Variants in SKAP2 observed in about 807,000 individuals in gnomAD.
SKAP2 encodes src kinase associated phosphoprotein 2, also known as src kinase-associated phosphoprotein 2.
A neutral mutation model predicts 54.9 loss-of-function variants in SKAP2; 28 were observed. The ratio of observed to expected loss-of-function variants is 0.51; its 90% CI spans 0.38 to 0.70. The LOEUF is 0.70. Among genes scored for constraint, SKAP2 ranks in the 30% least tolerant of loss-of-function variants. The pLI is 0.00. For missense variants in SKAP2, 356 were observed against 424.1 expected, an observed-to-expected ratio of 0.84 and a Z score of 1.41; for synonymous variants, 137 against 134.3, an observed-to-expected ratio of 1.02 and a Z score of -0.14.
intron 1 of SKAP2, 169 bp from the exon 2 acceptor site, chr7:26,855,059 G>GTAT (rs1584429140): frequency 2.1e-6 from 1 of 477,284 alleles, no homozygotes; most frequent in East Asian, 3.5e-5. Context: ...CAAATACTAA[G>GTAT]TTGAACAAAT....
At chr7:26,736,752 G>A (rs1787952563) in intron 6 of SKAP2, among the ~76,000 whole-genome samples, 1 of 152,068 alleles carries the variant, frequency 6.6e-6, no homozygotes, top group South Asian at 2.1e-4. Context: ...TCACAAAGTA[G>A]TTAAAATGCA....
intron 4 of SKAP2, among the ~76,000 whole-genome samples, chr7:26,809,601 T>C (rs773918272): frequency 6.6e-6 from 1 of 152,142 alleles, no homozygotes; most frequent in Non-Finnish European, 1.5e-5. Flanking sequence ...AGACAAAAGA[T>C]AACCAGTGTT....
At chr7:26,745,917 TGAA>T (rs1272984762) in intron 4 of SKAP2, among the ~76,000 whole-genome samples, 1 of 152,230 alleles carries the variant, frequency 6.6e-6, no homozygotes, top group Admixed American at 6.5e-5. Context: ...TCTCATTTCA[TGAA>T]GGTGATACTC....
At chr7:26,717,184 TGGAGAGAAACA>T (rs1787465402) in intron 9 of SKAP2, among the ~76,000 whole-genome samples, 1 of 151,878 alleles carries the variant, frequency 6.6e-6, no homozygotes, top group Admixed American at 6.6e-5. Flanking sequence ...AAGAGACAGA[TGGAGAGAAACA>T]GGGGAAGTGG....
chr7:26,853,541 C>A (rs1246426885), intron 3 of SKAP2, among the ~76,000 whole-genome samples: 3 of 151,972 alleles, frequency 2.0e-5, no homozygotes, highest in East Asian at 1.9e-4. Flanking sequence ...AGCATTCTCA[C>A]ATATTTCAAA....
At chr7:26,862,729 T>C (rs1785295329) in intron 1 of SKAP2, among the ~76,000 whole-genome samples, 1 of 152,096 alleles carries the variant, frequency 6.6e-6, no homozygotes, top group South Asian at 2.1e-4. Context: ...ATGACCTACA[T>C]ATCATATTAT....
intron 6 of SKAP2, 145 bp downstream of exon 6, chr7:26,738,650 A>G: frequency 1.8e-6 from 1 of 560,604 alleles, no homozygotes; most frequent in Non-Finnish European, 3.2e-6. Flanking sequence ...TAATGAAATG[A>G]ATCATAAATT....
intron 4 of SKAP2, among the ~76,000 whole-genome samples, chr7:26,784,964 C>T (rs886944512): frequency 2.0e-5 from 3 of 152,114 alleles, no homozygotes; most frequent in African/African-American, 4.8e-5. Context: ...AAAATAAGAT[C>T]TAAGTGGTGG....
At chr7:26,732,087 T>C (rs374066346) in intron 6 of SKAP2, among the ~76,000 whole-genome samples, 4 of 152,194 alleles carry the variant, frequency 2.6e-5, no homozygotes, top group Non-Finnish European at 5.9e-5. Flanking sequence ...AATTCCAAGA[T>C]TGTCAGGGAT....
chr7:26,665,791 G>A (rs1479558483), downstream of SKAP2, among the ~76,000 whole-genome samples: 1 of 152,180 alleles, frequency 6.6e-6, no homozygotes, highest in South Asian at 2.1e-4. Flanking sequence ...ATAATAAACT[G>A]GCTAAAGCTG....
At chr7:26,671,669 G>A (rs1786244196) in intron 11 of SKAP2, among the ~76,000 whole-genome samples, 1 of 151,982 alleles carries the variant, frequency 6.6e-6, no homozygotes, top group African/African-American at 2.4e-5. Flanking sequence ...GGCTTGTGAG[G>A]CAGTAAACTC....
At chr7:26,858,353 T>C (rs1260351613) in intron 1 of SKAP2, among the ~76,000 whole-genome samples, 1 of 152,160 alleles carries the variant, frequency 6.6e-6, no homozygotes, top group Non-Finnish European at 1.5e-5. Flanking sequence ...TAGCTCCTAA[T>C]ACACCTTAAC....
At chr7:26,815,304 A>G (rs1332457720) in intron 4 of SKAP2, among the ~76,000 whole-genome samples, 1 of 152,108 alleles carries the variant, frequency 6.6e-6, no homozygotes, top group African/African-American at 2.4e-5. Context: ...ATCTCTCTTG[A>G]AAGGGAGAGC....
At chr7:26,733,607 CCT>C (rs1180601554) in intron 6 of SKAP2, among the ~76,000 whole-genome samples, 1 of 151,910 alleles carries the variant, frequency 6.6e-6, no homozygotes, top group Non-Finnish European at 1.5e-5. Flanking sequence ...ACATATATGT[CCT>C]CTTTTTTTCC....
intron 2 of SKAP2, among the ~76,000 whole-genome samples, chr7:26,854,454 T>C (rs1447933707): frequency 6.6e-6 from 1 of 152,058 alleles, no homozygotes; most frequent in Non-Finnish European, 1.5e-5. Flanking sequence ...ATTCTCTTTC[T>C]TCAGTGTCAG....
chr7:26,842,281 A>C (rs1784832153), intron 4 of SKAP2, among the ~76,000 whole-genome samples: 1 of 151,676 alleles, frequency 6.6e-6, no homozygotes, highest in South Asian at 2.1e-4. Context: ...AAATGTTATT[A>C]AATAATATTT....
chr7:26,656,184 TG>T, the SKAP2 span, among the ~76,000 whole-genome samples: 1 of 152,186 alleles, frequency 6.6e-6, no homozygotes, highest in African/African-American at 2.4e-5. Flanking sequence ...ATTAGAAACT[TG>T]GCAATCCTCA....
rs181650424 is a variant in SKAP2 at position 26,761,392 on chromosome 7, T to C, written c.308-21428A>G. Among the ~76,000 whole-genome samples, 6 of 152,352 alleles carry C rather than the reference T, an allele frequency of 3.9e-5. No individual in the cohort carries two copies. In the East Asian group the frequency reaches 9.6e-4, roughly 24 times the overall value. ...AGGCTGACATCTCCAATGTAATGCATAGATATCTCATATAGTATGTTGCAT... is the reference window on the plus strand; with the variant it reads ...AGGCTGACATCTCCAATGTAATGCACAGATATCTCATATAGTATGTTGCAT... On this transcript the variant is annotated intron_variant, in intron 4 of 12. Coordinates refer to ENST00000345317, the MANE Select transcript of SKAP2 (RefSeq NM_003930.5).
intron 4 of SKAP2, among the ~76,000 whole-genome samples, chr7:26,809,817 T>C (rs1436778993): frequency 1.3e-5 from 2 of 152,200 alleles, no homozygotes; most frequent in Admixed American, 6.5e-5. Context: ...ATCTTCACTG[T>C]AGCATTATTC....
Sources: allele counts gnomAD v4.1 joint callset (sites outside exome capture counted in the v4.1 genomes callset), GRCh38; gene constraint gnomAD v4.1.1; transcripts MANE v1.5; gene names NCBI Gene and HGNC (gene_info 2026-07-23, HGNC 2026-07-21).